The following MECOM variants were observed in gnomAD, a reference collection of about 807,000 sequenced individuals.
MECOM encodes the protein MDS1 and EVI1 complex locus, also known as histone-lysine N-methyltransferase MECOM.
A neutral mutation model predicts 116.3 loss-of-function variants in MECOM; 13 were observed. That is an observed-to-expected ratio of 0.11 (90% CI 0.07 to 0.18). The LOEUF (loss-of-function observed/expected upper bound fraction) is 0.18, where lower values mean the gene tolerates loss of function less well. Ranked by LOEUF, MECOM falls within the 10% of genes least tolerant of loss-of-function variation. The pLI is 1.00. For synonymous variants in MECOM, 528 were observed against 535.2 expected (o/e 0.99, Z 0.19); for missense variants, 1,299 against 1,509.0 (o/e 0.86, Z 2.31).
intron 1 of MECOM, among the ~76,000 whole-genome samples, chr3:169,469,696 T>A (rs1446464381): frequency 6.6e-6 from 1 of 152,236 alleles, no homozygotes; most frequent in Non-Finnish European, 1.5e-5. Flanking sequence ...ACATGCATTT[T>A]TCCAGAAAAG....
rs1769298071 is a variant in MECOM at position 169,611,703 on chromosome 3, T to C, written c.37+51633A>G. Among the ~76,000 whole-genome samples the C allele has an allele frequency of 6.6e-6, 1 of 152,228 alleles. No homozygotes were observed. Among genetic ancestry groups the C allele is most frequent in the African/African-American group, 2.4e-5 (1 of 41,460 alleles). On this transcript the variant is annotated intron_variant, in intron 1 of 16. Transcript: ENST00000651503. The surrounding 1 kb of genome is among the most constrained non-coding windows in gnomAD (Gnocchi z 4.1). ...AATATTTTATTTTCCTTAGTTATAA[T>C]GGAACAGATATGGTGACCTTAGTAC...
chr3:169,446,225 C>T (rs1045189519), intron 1 of MECOM, among the ~76,000 whole-genome samples: 2 of 152,140 alleles, frequency 1.3e-5, no homozygotes, highest in Non-Finnish European at 2.9e-5. Flanking sequence ...CAACTCTCAA[C>T]TTGAATTGTA....
intron 2 of MECOM, among the ~76,000 whole-genome samples, chr3:169,329,465 CTGTT>C (rs1221364910): frequency 6.6e-6 from 1 of 152,176 alleles, no homozygotes; most frequent in Non-Finnish European, 1.5e-5. Flanking sequence ...AAGCAAGTGC[CTGTT>C]TGTCTGTGTG....
intron 2 of MECOM, among the ~76,000 whole-genome samples, chr3:169,206,954 A>G (rs768595657): frequency 1.3e-5 from 2 of 152,198 alleles, no homozygotes; most frequent in Non-Finnish European, 2.9e-5. Flanking sequence ...GATTTTAAGT[A>G]TAAAAATCAT....
chr3:169,471,674 G>A (rs1291076489), intron 1 of MECOM, among the ~76,000 whole-genome samples: 1 of 152,124 alleles, frequency 6.6e-6, no homozygotes, highest in Non-Finnish European at 1.5e-5. Context: ...CCTTTGCTAT[G>A]TGCCTATAAT....
chr3:169,091,634 C>A lies in MECOM; in HGVS notation c.3164+1324G>T, dbSNP rs73166183. Among the ~76,000 whole-genome samples, 4 of 151,940 alleles carry A rather than the reference C, an allele frequency of 2.6e-5. No homozygotes were observed. The East Asian group carries it at 7.7e-4, about 29-fold the overall frequency. On this transcript the variant is annotated intron_variant, in intron 14 of 16. Transcript: ENST00000651503. Reference sequence around the variant, plus strand: ...CCTTTCACAAACAGACAGACAGACACGCACACACACACACAAATGGGCAAG... The same window carrying A: ...CCTTTCACAAACAGACAGACAGACAAGCACACACACACACAAATGGGCAAG...
intron 1 of MECOM, among the ~76,000 whole-genome samples, chr3:169,418,965 G>A (rs1166533934): frequency 1.3e-5 from 2 of 152,166 alleles, no homozygotes; most frequent in Non-Finnish European, 2.9e-5. Flanking sequence ...TGGTCTGTTT[G>A]CAGATGACAT....
At chr3:169,335,434 A>T (rs1723438412) in intron 2 of MECOM, among the ~76,000 whole-genome samples, 1 of 152,098 alleles carries the variant, frequency 6.6e-6, no homozygotes, top group Admixed American at 6.6e-5. Context: ...CTGTCCCTCT[A>T]TGGCTCTCCT....
Position 169,232,905 on chromosome 3 carries a change from T to C in MECOM, c.376-89073A>G, listed in dbSNP as rs116724242. Among the ~76,000 whole-genome samples, 423 of 152,196 alleles carry C rather than the reference T, an allele frequency of 2.8e-3. 3 individuals are homozygous for C. Among genetic ancestry groups the C allele is most frequent in the African/African-American group, 7.2e-3 (300 of 41,532 alleles). ...AAGCAGCCTTTTCATGTATATTTAC[T>C]TGAAAATGGCATCTCAGCCTCTTGT... is the stretch of plus-strand genomic sequence containing the variant. On this transcript the variant is annotated intron_variant, in intron 2 of 16. Transcript: ENST00000651503.
intron 1 of MECOM, among the ~76,000 whole-genome samples, chr3:169,640,720 T>G (rs1033161221): frequency 1.3e-5 from 2 of 152,164 alleles, no homozygotes; most frequent in Admixed American, 1.3e-4. Flanking sequence ...ATAGAGGTGA[T>G]GTCAATGTCC....
intron 1 of MECOM, among the ~76,000 whole-genome samples, chr3:169,448,150 T>C (rs1360667262): frequency 2.6e-5 from 4 of 152,186 alleles, no homozygotes; most frequent in Non-Finnish European, 5.9e-5. Flanking sequence ...TGACCTATAG[T>C]AGACATTCAA....
chr3:169,541,220 A>ATAC (rs1760021627), intron 1 of MECOM, among the ~76,000 whole-genome samples: 1 of 152,186 alleles, frequency 6.6e-6, no homozygotes, highest in African/African-American at 2.4e-5. Flanking sequence ...CCCTAGGACT[A>ATAC]TACTATGAGG....
chr3:169,239,930 A>T (rs1436149031), intron 2 of MECOM, among the ~76,000 whole-genome samples: 1 of 152,208 alleles, frequency 6.6e-6, no homozygotes, highest in Non-Finnish European at 1.5e-5. Flanking sequence ...GAAGCTTTTT[A>T]CTACAAGAAT....
chr3:169,467,865 C>T (rs1385139651), intron 1 of MECOM, among the ~76,000 whole-genome samples: 1 of 152,106 alleles, frequency 6.6e-6, no homozygotes, highest in Non-Finnish European at 1.5e-5. Flanking sequence ...ATTGAGATGA[C>T]CCAGCTCATG....
chr3:169,438,908 G>T (rs1743155083), intron 1 of MECOM, among the ~76,000 whole-genome samples: 1 of 151,826 alleles, frequency 6.6e-6, no homozygotes, highest in African/African-American at 2.4e-5. Flanking sequence ...TGGGTGCTGG[G>T]GGCAAAGATT....
At chr3:169,636,761 C>A (rs1176405540) in intron 1 of MECOM, among the ~76,000 whole-genome samples, 1 of 152,190 alleles carries the variant, frequency 6.6e-6, no homozygotes. Context: ...ATTCTACATT[C>A]CCGAATTGGG....
At chr3:169,087,000 T>C (rs1438889031) in intron 16 of MECOM, among the ~76,000 whole-genome samples, 1 of 152,124 alleles carries the variant, frequency 6.6e-6, no homozygotes, top group African/African-American at 2.4e-5. Context: ...TGAAATAAAG[T>C]GAATTTGCAA....
At chr3:169,202,278 C>T (rs1749265867) in intron 2 of MECOM, among the ~76,000 whole-genome samples, 1 of 151,982 alleles carries the variant, frequency 6.6e-6, no homozygotes, top group Non-Finnish European at 1.5e-5. Flanking sequence ...TATTTTTCAT[C>T]GTATAACATT....
chr3:169,595,308 C>A (rs1221691683), intron 1 of MECOM, among the ~76,000 whole-genome samples: 1 of 152,190 alleles, frequency 6.6e-6, no homozygotes, highest in Non-Finnish European at 1.5e-5. Flanking sequence ...ATACTACCCA[C>A]CAACGACTAC....
Sources: gnomAD v4.1 joint callset for allele counts (sites outside exome capture counted in the v4.1 genomes callset) on GRCh38, gnomAD v4.1.1 for gene constraint, Gnocchi (gnomAD v3.1) non-coding constraint, MANE v1.5 for transcripts, NCBI Gene and HGNC (gene_info 2026-07-23, HGNC 2026-07-21) for gene names.